The following EYA4 variants were observed in gnomAD, a reference collection of about 807,000 sequenced individuals.
The protein encoded by EYA4 is EYA transcriptional coactivator and phosphatase 4, also known as protein phosphatase EYA4.
In EYA4, 31 loss-of-function variants were observed where a neutral mutation model predicts 87.9. The ratio of observed to expected loss-of-function variants is 0.35; its 90% CI spans 0.27 to 0.48. The LOEUF (loss-of-function observed/expected upper bound fraction) is 0.48. Ranked by LOEUF, EYA4 falls within the 20% of genes least tolerant of loss-of-function variation. The pLI is 0.99. For missense variants in EYA4, 678 were observed against 761.4 expected (o/e 0.89, Z 1.29); for synonymous variants, 263 against 270.6 (o/e 0.97, Z 0.28).
chr6:133,431,787 C>T (rs1791205508), intron 3 of EYA4, among the ~76,000 whole-genome samples: 1 of 152,032 alleles, frequency 6.6e-6, no homozygotes, highest in Admixed American at 6.5e-5. Flanking sequence ...TGTGTGTTCC[C>T]CTTAAATGTT....
intron 2 of EYA4, among the ~76,000 whole-genome samples, chr6:133,373,033 A>G (rs1785399713): frequency 6.6e-6 from 1 of 152,082 alleles, no homozygotes; most frequent in Non-Finnish European, 1.5e-5. Context: ...ACAATTTTAT[A>G]TTGGTAAGTG....
At chr6:133,396,718 G>C (rs1787834626) in intron 3 of EYA4, among the ~76,000 whole-genome samples, 1 of 152,184 alleles carries the variant, frequency 6.6e-6, no homozygotes, top group Admixed American at 6.5e-5. Context: ...GTTTGTGTGT[G>C]TGTCTGTGTG....
intron 2 of EYA4, among the ~76,000 whole-genome samples, chr6:133,323,967 C>T (rs564423511): frequency 1.6e-4 from 25 of 152,102 alleles, no homozygotes; most frequent in African/African-American, 5.8e-4. Flanking sequence ...TAAGAATGAA[C>T]TTTTTGGGAT....
intron 3 of EYA4, among the ~76,000 whole-genome samples, chr6:133,429,491 C>A (rs761099035): frequency 6.6e-6 from 1 of 152,006 alleles, no homozygotes; most frequent in Non-Finnish European, 1.5e-5. Flanking sequence ...ACCCCAGAGA[C>A]ACACCATGGA....
chr6:133,294,355 T>C (rs1778782293), intron 2 of EYA4, among the ~76,000 whole-genome samples: 1 of 143,950 alleles, frequency 6.9e-6, no homozygotes, highest in Non-Finnish European at 1.5e-5. Context: ...TTTTTTTTTG[T>C]TTTGTTTTTG....
intron 3 of EYA4, among the ~76,000 whole-genome samples, chr6:133,389,993 CAGAG>C (rs899421894): frequency 5.3e-5 from 8 of 152,120 alleles, no homozygotes; most frequent in African/African-American, 1.9e-4. Flanking sequence ...CCAAGACTGT[CAGAG>C]AGCCTTTCTT....
intron 3 of EYA4, among the ~76,000 whole-genome samples, chr6:133,429,720 G>A (rs1791011669): frequency 6.6e-6 from 1 of 152,138 alleles, no homozygotes; most frequent in Admixed American, 6.5e-5. Flanking sequence ...CTGATGAAGG[G>A]GCTTTGAGTG....
intron 13 of EYA4, among the ~76,000 whole-genome samples, chr6:133,489,769 T>A (rs1458563560): frequency 6.6e-6 from 1 of 152,186 alleles, no homozygotes. Context: ...AAGGGAGTTC[T>A]TCAATCTGAA....
intron 3 of EYA4, among the ~76,000 whole-genome samples, chr6:133,443,428 A>T (rs1792503115): frequency 6.6e-6 from 1 of 152,050 alleles, no homozygotes; most frequent in South Asian, 2.1e-4. Flanking sequence ...AATATAGTTT[A>T]TAATACTTCC....
At chr6:133,450,447 A>G (rs1487240868) in intron 5 of EYA4, among the ~76,000 whole-genome samples, 1 of 152,368 alleles carries the variant, frequency 6.6e-6, no homozygotes, top group South Asian at 2.1e-4. Context: ...GCAAAAGAAA[A>G]GAACTAATTT....
intron 3 of EYA4, among the ~76,000 whole-genome samples, chr6:133,389,320 A>C (rs1787055636): frequency 6.6e-6 from 1 of 152,128 alleles, no homozygotes; most frequent in Non-Finnish European, 1.5e-5. Flanking sequence ...CTATCCAGCC[A>C]ACTAGTCCAG....
At chr6:133,267,939 T>C (rs9375951) in intron 1 of EYA4, among the ~76,000 whole-genome samples, 91,105 of 151,974 alleles carry the variant, frequency 0.6, 28,890 homozygotes, top group African/African-American at 0.8. Context: ...TATTAGAAAA[T>C]GACATTGTTA....
At chr6:133,335,890 A>G (rs565961925) in intron 2 of EYA4, among the ~76,000 whole-genome samples, 8 of 152,158 alleles carry the variant, frequency 5.3e-5, no homozygotes, top group Non-Finnish European at 1.2e-4. Flanking sequence ...AGAGACAGTG[A>G]GTGAGCATTG....
At chr6:133,492,919 A>T (rs976074106) in intron 13 of EYA4, among the ~76,000 whole-genome samples, 6 of 152,234 alleles carry the variant, frequency 3.9e-5, no homozygotes, top group Non-Finnish European at 8.8e-5. Context: ...CTACAATGAA[A>T]ACTGTAAAAC....
intron 2 of EYA4, among the ~76,000 whole-genome samples, chr6:133,294,045 ATATATATATATATAT>A (rs1778730677): frequency 1.1e-5 from 1 of 89,038 alleles, no homozygotes; most frequent in Non-Finnish European, 2.5e-5. Context: ...ATATATATAT[ATATATATATATATAT>A]ATAATTCTAT....
intron 13 of EYA4, chr6:133,502,729 C>T (rs80230194): frequency 2.0e-5 from 3 of 151,684 alleles, no homozygotes; most frequent in Non-Finnish European, 4.4e-5. Context: ...AAGCCTGCCC[C>T]AGACATTCTC....
At position 133,529,531 on chromosome 6, in the gene EYA4, C is replaced by A. The variant is rs55805978; in HGVS notation, c.*726C>A. On this transcript the variant is annotated 3_prime_UTR_variant, in exon 20 of 20. Transcript: ENST00000355286. ...AATCTCTGTAGATAATGAAAAAAAA[C>A]AAAAAAAAAAACCTTTGTGATGATT... The A allele has an allele frequency of 0.16, 126,432 of 770,218 alleles. 10,131 individuals are homozygous for A. The highest frequency in any genetic ancestry group is 0.34 in the African/African-American group (16,993 of 49,652). The allele number at this position is 770,218 out of a possible 1,614,324, so 47.7% of individuals were successfully genotyped here. A position where few individuals can be genotyped will look rare whatever the true frequency, so the allele number is the denominator to read the frequency against.
intron 1 of EYA4, among the ~76,000 whole-genome samples, chr6:133,258,677 T>C (rs749943912): frequency 6.6e-5 from 10 of 152,082 alleles, no homozygotes; most frequent in Non-Finnish European, 1.2e-4. Flanking sequence ...GACTCAGACT[T>C]GGTTTCTGCT....
At chr6:133,281,825 G>A (rs972170725) in intron 2 of EYA4, among the ~76,000 whole-genome samples, 3 of 151,552 alleles carry the variant, frequency 2.0e-5, no homozygotes, top group African/African-American at 7.3e-5. Flanking sequence ...CTATGTCCAT[G>A]TTTCCTCACT....
Sources: allele counts gnomAD v4.1 joint callset (sites outside exome capture counted in the v4.1 genomes callset), GRCh38; gene constraint gnomAD v4.1.1; transcripts MANE v1.5; gene names NCBI Gene and HGNC (gene_info 2026-07-23, HGNC 2026-07-21).